Variants in CREB3L2 observed in about 807,000 individuals in gnomAD.
CREB3L2 encodes cAMP responsive element binding protein 3 like 2.
In CREB3L2, 23 loss-of-function variants were observed where a neutral mutation model predicts 57.2. The observed-to-expected ratio is 0.40, with a 90% confidence interval of 0.29 to 0.57. The LOEUF (loss-of-function observed/expected upper bound fraction) is 0.57, where lower values mean the gene tolerates loss of function less well. Among genes scored for constraint, CREB3L2 ranks in the 20% least tolerant of loss-of-function variants. CREB3L2 has a pLI of 0.42. For synonymous variants in CREB3L2, 268 were observed against 265.1 expected, an observed-to-expected ratio of 1.01 and a Z score of -0.11; for missense variants, 628 against 634.7, an observed-to-expected ratio of 0.99 and a Z score of 0.11.
chr7:137,990,612 C>T (rs564904810), intron 1 of CREB3L2, among the ~76,000 whole-genome samples: 3 of 152,182 alleles, frequency 2.0e-5, no homozygotes, highest in East Asian at 1.9e-4. Flanking sequence ...AGACAGGATG[C>T]GAGGGGAAGG....
intron 5 of CREB3L2, among the ~76,000 whole-genome samples, chr7:137,906,593 T>C (rs1426223974): frequency 6.6e-6 from 1 of 152,234 alleles, no homozygotes; most frequent in Non-Finnish European, 1.5e-5. Context: ...ATAAGAGTAA[T>C]TAAATGCTAA....
intron 1 of CREB3L2, among the ~76,000 whole-genome samples, chr7:137,962,291 T>C (rs1013235756): frequency 6.6e-6 from 1 of 152,298 alleles, no homozygotes; most frequent in South Asian, 2.1e-4. Flanking sequence ...ACTTTGGAAC[T>C]GTTCCCTTAA....
At chr7:137,882,279 T>C (rs562101587) in intron 11 of CREB3L2, 133 bp downstream of exon 11, 226 of 646,950 alleles carry the variant, frequency 3.5e-4, no homozygotes, top group Admixed American at 7.7e-4. Context: ...TCCCAGGTCC[T>C]GGAAATAGGT....
In CREB3L2 at chr7:137,927,261, C is replaced by CGGAAAGGAAA. The variant is rs71177929; in HGVS notation, c.319+879_319+888dup. The stretch of plus-strand genomic sequence containing the variant: ...AGGGAGGGAACGGAACGGAACAGAA[C>CGGAAAGGAAA]GGAAAGGAAAGGAAAGGAGGAAGGA... On this transcript the variant is annotated intron_variant, in intron 2 of 11. Coordinates refer to ENST00000330387, the MANE Select transcript of CREB3L2 (RefSeq NM_194071.4). Among the ~76,000 whole-genome samples, 389 of 114,826 alleles carry CGGAAAGGAAA rather than the reference C, an allele frequency of 3.4e-3. 7 individuals are homozygous for CGGAAAGGAAA. The highest frequency in any genetic ancestry group is 0.012 in the African/African-American group (369 of 31,276). The allele number at this position is 114,826 out of a possible 152,430, so 75.3% of individuals were successfully genotyped here. A position where few individuals can be genotyped will look rare whatever the true frequency, so the allele number is the denominator to read the frequency against.
chr7:137,983,539 GTGT>G (rs1801744249), intron 1 of CREB3L2, among the ~76,000 whole-genome samples: 1 of 152,214 alleles, frequency 6.6e-6, no homozygotes, highest in African/African-American at 2.4e-5. Flanking sequence ...CTTCAGGCAG[GTGT>G]TGTTAAATTG....
At chr7:138,000,757 T>G (rs2117341141) in intron 1 of CREB3L2, among the ~76,000 whole-genome samples, 1 of 152,104 alleles carries the variant, frequency 6.6e-6, no homozygotes, top group Non-Finnish European at 1.5e-5. Flanking sequence ...TAAAGTCCTA[T>G]GATCAGTGCT....
intron 5 of CREB3L2, among the ~76,000 whole-genome samples, chr7:137,908,031 T>A (rs973099469): frequency 6.6e-6 from 1 of 152,122 alleles, no homozygotes; most frequent in Non-Finnish European, 1.5e-5. Flanking sequence ...GAAGTGTGCA[T>A]GTGAAAAGGA....
chr7:138,000,223 G>GTA (rs1802052218), intron 1 of CREB3L2, among the ~76,000 whole-genome samples: 1 of 152,216 alleles, frequency 6.6e-6, no homozygotes, highest in South Asian at 2.1e-4. Context: ...TGGATAAAAT[G>GTA]TAGCCTGTCA....
chr7:137,917,940 G>A (rs1800171949), intron 2 of CREB3L2, among the ~76,000 whole-genome samples: 1 of 152,098 alleles, frequency 6.6e-6, no homozygotes, highest in Admixed American at 6.5e-5. Flanking sequence ...GGGGAACAAA[G>A]GGCTCTCTGA....
chr7:137,960,805 A>ATTTTT (rs1338965683), intron 1 of CREB3L2, among the ~76,000 whole-genome samples: 20 of 81,910 alleles, frequency 2.4e-4, no homozygotes, highest in African/African-American at 6.9e-4. Context: ...AAACTAAATT[A>ATTTTT]TTTCTTTTTT....
At chr7:137,882,922 C>A (rs565955755) in intron 10 of CREB3L2, among the ~76,000 whole-genome samples, 2 of 152,104 alleles carry the variant, frequency 1.3e-5, no homozygotes, top group Non-Finnish European at 2.9e-5. Context: ...CCCTTACCAC[C>A]CATAACCATC....
intron 1 of CREB3L2, among the ~76,000 whole-genome samples, chr7:137,934,453 A>G (rs1041083699): frequency 6.6e-6 from 1 of 152,218 alleles, no homozygotes; most frequent in African/African-American, 2.4e-5. Flanking sequence ...GTCCCCATTT[A>G]CAGATCAGAA....
intron 8 of CREB3L2, among the ~76,000 whole-genome samples, chr7:137,899,094 AGAGAAG>A (rs1398238649): frequency 1.4e-4 from 19 of 135,406 alleles, no homozygotes; most frequent in African/African-American, 5.3e-4. Flanking sequence ...GAAAAAGGAA[AGAGAAG>A]GAAGGAAGGA....
At position 137,880,186 on chromosome 7, in the gene CREB3L2, G is replaced by A; in HGVS notation, c.*290C>T. ...TAGGCAATATCTTTTTGGCACTATTGGTGGAAACAAGCCTGCTTGTCCCAC... is the reference window on the plus strand; with the variant it reads ...TAGGCAATATCTTTTTGGCACTATTAGTGGAAACAAGCCTGCTTGTCCCAC... On this transcript the variant is annotated 3_prime_UTR_variant, in exon 12 of 12. Coordinates refer to ENST00000330387, the MANE Select transcript of CREB3L2 (RefSeq NM_194071.4). The surrounding 1 kb of genome is among the most constrained non-coding windows in gnomAD (Gnocchi z 4.0). 1 of 465,402 alleles carries A rather than the reference G, an allele frequency of 2.1e-6. No individual in the cohort carries two copies. Among genetic ancestry groups the A allele is most frequent in the South Asian group, 2.5e-5 (1 of 39,496 alleles). 28.8% of individuals were successfully genotyped at this position (465,402 alleles called of 1,614,324 possible).
intron 2 of CREB3L2, among the ~76,000 whole-genome samples, chr7:137,919,685 G>C (rs369984481): frequency 6.6e-6 from 1 of 152,094 alleles, no homozygotes; most frequent in South Asian, 2.1e-4. Flanking sequence ...CAAGAGAAAG[G>C]TTAAGTCAAT....
Position 138,001,556 on chromosome 7 carries a change from C to T in CREB3L2, c.102+48G>A, listed in dbSNP as rs1393321814. ...ACTCCAGCTGCTCCTCGCGTGACAA[C>T]ACTTGCCCGCTTTGAAAGCCCTCCT... is the stretch of plus-strand genomic sequence containing the variant. On this transcript the variant is annotated intron_variant, in intron 1 of 11. Coordinates refer to ENST00000330387, the MANE Select transcript of CREB3L2 (RefSeq NM_194071.4). The surrounding 1 kb of genome is among the most constrained non-coding windows in gnomAD (Gnocchi z 4.2). 2 of 1,428,168 alleles carry T rather than the reference C, an allele frequency of 1.4e-6. No individual in the cohort carries two copies. Among genetic ancestry groups the T allele is most frequent in the South Asian group, 2.5e-5 (2 of 81,514 alleles). 88.5% of individuals were successfully genotyped at this position (1,428,168 alleles called of 1,614,324 possible).
rs781268758 is a variant in CREB3L2 at position 137,905,792 on chromosome 7, G to A, written c.825C>T (p.Ile275=). The change falls in exon 6 of 12, where the codon ATC becomes ATT. Residue 275 remains isoleucine, a synonymous_variant. Coordinates refer to ENST00000330387, the MANE Select transcript of CREB3L2 (RefSeq NM_194071.4). Reference sequence around the variant, plus strand: ...TGGTGGGGATGGGATAGCCCTCAGCGATCAGGGTCCTCTTCTCCTCCTCTG... The same window carrying A: ...TGGTGGGGATGGGATAGCCCTCAGCAATCAGGGTCCTCTTCTCCTCCTCTG... The part of the protein sequence containing the change: ...VLTEEEKRTL[I]AEGYPIPTKL... The A allele has an allele frequency of 8.1e-6, 13 of 1,613,958 alleles. No homozygotes were observed. Among genetic ancestry groups the A allele is most frequent in the South Asian group, 5.5e-5 (5 of 91,084 alleles).
At chr7:137,947,014 T>TTATATATATAGTTATATATATATAGTTA (rs1727679367) in intron 1 of CREB3L2, among the ~76,000 whole-genome samples, 27 of 126,862 alleles carry the variant, frequency 2.1e-4, no homozygotes, top group African/African-American at 9.5e-4. Flanking sequence ...ATATATATAG[T>TTATATATATAGTTATATATATATAGTTA]TATATATATA....
intron 4 of CREB3L2, among the ~76,000 whole-genome samples, chr7:137,910,218 C>G (rs1339019875): frequency 6.6e-6 from 1 of 152,116 alleles, no homozygotes; most frequent in Non-Finnish European, 1.5e-5. Flanking sequence ...CCCCCCGGCC[C>G]TGGCATGCTT....
Sources: gnomAD v4.1 joint callset for allele counts (sites outside exome capture counted in the v4.1 genomes callset) on GRCh38, gnomAD v4.1.1 for gene constraint, Gnocchi (gnomAD v3.1) non-coding constraint, MANE v1.5 for transcripts, NCBI Gene and HGNC (gene_info 2026-07-23, HGNC 2026-07-21) for gene names.